Variants in LAMC2 observed in about 807,000 individuals in gnomAD.
The protein encoded by LAMC2 is laminin subunit gamma-2.
In LAMC2, 97 loss-of-function variants were observed where a neutral mutation model predicts 140.2. The ratio of observed to expected loss-of-function variants is 0.69; its 90% CI spans 0.59 to 0.82. LAMC2 has a LOEUF of 0.82. LAMC2 is among the 40% of genes least tolerant of loss of function. The pLI, the probability that LAMC2 is intolerant of heterozygous loss-of-function variation, is 0.00. For synonymous variants in LAMC2, 513 were observed against 540.2 expected (o/e 0.95, Z 0.70); for missense variants, 1,402 against 1,476.1 (o/e 0.95, Z 0.82).
chr1:183,229,972 T>C (rs1004251223), intron 11 of LAMC2, among the ~76,000 whole-genome samples: 1 of 152,226 alleles, frequency 6.6e-6, no homozygotes, highest in African/African-American at 2.4e-5. Context: ...ATGCTAATTA[T>C]GCCAATTAAT....
rs1571541162 is a variant in LAMC2, at chr1:183,238,599, T to C, written c.2869+178T>C. On this transcript the variant is annotated intron_variant, in intron 19 of 22. Coordinates refer to ENST00000264144, the MANE Select transcript of LAMC2 (RefSeq NM_005562.3). ...TTAATATTTAATGTAGTAGTAATAA[T>C]AGAGCTAGATGTCAGAAGCCTTGAG... Among the ~76,000 whole-genome samples the C allele has an allele frequency of 2.0e-5, 3 of 152,216 alleles. No homozygotes were observed. The South Asian group carries it at 6.2e-4, about 32-fold the overall frequency.
At chr1:183,210,842 G>T (rs1456363017) in intron 2 of LAMC2, among the ~76,000 whole-genome samples, 1 of 152,230 alleles carries the variant, frequency 6.6e-6, no homozygotes, top group Non-Finnish European at 1.5e-5. Context: ...AGACACATTG[G>T]TGACAGAGAC....
Position 183,228,478 on chromosome 1 carries a change from C to T in LAMC2, c.1573C>T (p.Pro525Ser). The T allele has an allele frequency of 9.3e-6, 15 of 1,613,852 alleles. No homozygotes were observed. The highest frequency in any genetic ancestry group is 1.2e-5 in the Non-Finnish European group (14 of 1,179,980). The change falls in exon 11 of 23, where the codon CCC becomes TCC. Residue 525 changes from proline to serine, a missense_variant. By Grantham distance (74) the Pro-to-Ser change is moderately conservative. Coordinates refer to ENST00000264144, the MANE Select transcript of LAMC2 (RefSeq NM_005562.3). This position sits in a 1 kb window ranked among gnomAD's most constrained non-coding sequence, Gnocchi z 4.3. ...CTGTCAATGCAACAACAATGTGGACCCCAGTGCCTCTGGGAATTGTGACCG... is the reference window on the plus strand; with the variant it reads ...CTGTCAATGCAACAACAATGTGGACTCCAGTGCCTCTGGGAATTGTGACCG... ...QPCQCNNNVDPSASGNCDRLT... is the reference protein window; with the variant it reads ...QPCQCNNNVDSSASGNCDRLT...
At chr1:183,231,907 A>G (rs1659810995) in intron 12 of LAMC2, among the ~76,000 whole-genome samples, 1 of 152,206 alleles carries the variant, frequency 6.6e-6, no homozygotes, top group Non-Finnish European at 1.5e-5. Context: ...ATGTTAACCC[A>G]GGTAGTCCAA....
chr1:183,249,390 A>G (rs1282140785), downstream of LAMC2: 3 of 151,998 alleles, frequency 2.0e-5, no homozygotes, highest in Admixed American at 1.3e-4. Context: ...TGGGAGAGAC[A>G]TTTTTTGCTG....
chr1:183,226,873 T>A lies in LAMC2; in HGVS notation c.1242T>A (p.Ile414=), dbSNP rs769226823. Residue 414 remains isoleucine, a synonymous_variant, in exon 9 of 23, where the codon ATT becomes ATA. Coordinates refer to ENST00000264144, the MANE Select transcript of LAMC2 (RefSeq NM_005562.3). ...GACTGGGGCCTTTTGGCACCTGTAT[T>A]CCTTGTAACTGTCAAGGGGGAGGGG... ...SARLGPFGTC[I]PCNCQGGGAC... is the part of the protein sequence containing the mutation. 2.5e-6 allele frequency: 4 copies of A among 1,614,170 alleles called. No homozygotes were observed. The highest frequency in any genetic ancestry group is 4.5e-5 in the East Asian group (2 of 44,876).
chr1:183,256,716 A>C, the LAMC2 span, among the ~76,000 whole-genome samples: 2 of 152,208 alleles, frequency 1.3e-5, no homozygotes, highest in African/African-American at 4.8e-5. Context: ...TTTATTGAGG[A>C]CTTTTACATC....
chr1:183,188,263 C>A (rs1281827796), intron 1 of LAMC2, among the ~76,000 whole-genome samples: 2 of 152,190 alleles, frequency 1.3e-5, no homozygotes, highest in Non-Finnish European at 2.9e-5. Context: ...CAGGGTAGAA[C>A]ACACATGCTT....
Position 183,234,456 on chromosome 1 carries a change from A to G in LAMC2, c.2300+10A>G, listed in dbSNP as rs1464333534. 1 of 1,609,462 alleles carries G rather than the reference A, an allele frequency of 6.2e-7. No individual in the cohort carries two copies. The highest frequency in any genetic ancestry group is 1.1e-5 in the South Asian group (1 of 90,938). On this transcript the variant is annotated intron_variant, in intron 15 of 22. Coordinates refer to ENST00000264144, the MANE Select transcript of LAMC2 (RefSeq NM_005562.3). The stretch of plus-strand genomic sequence containing the variant: ...CAAGATTAGCAGAAAGGTGAGCAGC[A>G]TTAGAGGGCACCTCTGCTTCAAGCC...
At chr1:183,214,366 G>A (rs1659183489) in intron 2 of LAMC2, among the ~76,000 whole-genome samples, 1 of 152,194 alleles carries the variant, frequency 6.6e-6, no homozygotes, top group South Asian at 2.1e-4. Flanking sequence ...CTCTAGAAAA[G>A]TAATATTTAA....
At chr1:183,218,343 G>T in intron 3 of LAMC2, 47 bp from the exon 4 acceptor site, 1 of 1,409,586 alleles carries the variant, frequency 7.1e-7, no homozygotes. Context: ...GCATAGTTGT[G>T]AAGCATTTGG....
At chr1:183,191,156 C>G (rs1217759681) in intron 1 of LAMC2, among the ~76,000 whole-genome samples, 1 of 151,954 alleles carries the variant, frequency 6.6e-6, no homozygotes, top group African/African-American at 2.4e-5. Flanking sequence ...AGAAAGTACC[C>G]TATAATATGC....
the LAMC2 span, chr1:183,252,597 A>G: frequency 7.6e-7 from 1 of 1,317,988 alleles, no homozygotes; most frequent in South Asian, 1.2e-5. Flanking sequence ...CAGGGGGCTG[A>G]CAAAGATGGA....
At chr1:183,238,229 A>G (rs1660024270) in intron 18 of LAMC2, 78 bp from the exon 19 acceptor site, 3 of 1,022,568 alleles carry the variant, frequency 2.9e-6, no homozygotes, top group South Asian at 1.3e-5. Flanking sequence ...ATCTGCTGTC[A>G]TGAAGAGAAA....
chr1:183,237,449 G>T lies in LAMC2; in HGVS notation c.2699G>T (p.Gly900Val), dbSNP rs1316039331. 1 of 1,614,042 alleles carries T rather than the reference G, an allele frequency of 6.2e-7. No homozygotes were observed. The highest frequency in any genetic ancestry group is 1.3e-5 in the African/African-American group (1 of 74,924). ...DEFKRTQKNLGNWKEEAQQLL... is the reference protein window; with the variant it reads ...DEFKRTQKNLVNWKEEAQQLL... ...TTCAAGCGTACACAGAAGAATCTGG[G>T]AAACTGGAAAGAAGAAGCACAGCAG... The change falls in exon 18 of 23, where the codon GGA (glycine) becomes GTA (valine). Residue 900 changes from glycine (G) to valine (V), a missense_variant. This residue lies in a region of LAMC2 where 670 missense variants were observed against 667.2 expected (regional missense o/e 1.00). Coordinates refer to ENST00000264144, the MANE Select transcript of LAMC2 (RefSeq NM_005562.3).
At position 183,243,748 on chromosome 1, in the gene LAMC2, A is replaced by G. The variant is rs1219439211; in HGVS notation, c.*348A>G. On this transcript the variant is annotated 3_prime_UTR_variant, in exon 23 of 23. Transcript: ENST00000264144. ...TGGAATTTGGACAAGTGCTGTTGGG[A>G]TATAGTCAACTTATTCTTTGAGTAA... 2.8e-6 allele frequency: 1 copy of G among 352,062 alleles called. No individual in the cohort carries two copies. Among genetic ancestry groups the G allele is most frequent in the Non-Finnish European group, 5.4e-6 (1 of 186,090 alleles). 21.8% of individuals were successfully genotyped at this position (352,062 alleles called of 1,614,324 possible).
chr1:183,186,840 T>TA (rs1658169715), intron 1 of LAMC2, among the ~76,000 whole-genome samples: 3 of 152,220 alleles, frequency 2.0e-5, no homozygotes, highest in Admixed American at 2.0e-4. Flanking sequence ...CAAAGGAACC[T>TA]CTTCAATAAT....
At chr1:183,221,856 G>A (rs1177820289) in intron 5 of LAMC2, among the ~76,000 whole-genome samples, 1 of 152,088 alleles carries the variant, frequency 6.6e-6, no homozygotes, top group Non-Finnish European at 1.5e-5. Context: ...CTTATCACGA[G>A]TCAGACTCAA....
chr1:183,187,407 C>A (rs1312375673), intron 1 of LAMC2, among the ~76,000 whole-genome samples: 1 of 151,352 alleles, frequency 6.6e-6, no homozygotes, highest in African/African-American at 2.4e-5. Flanking sequence ...TGTTTGAATG[C>A]AATGCTACAG....
Sources: gnomAD v4.1 joint callset for allele counts (sites outside exome capture counted in the v4.1 genomes callset) on GRCh38, gnomAD v4.1.1 for gene constraint, gnomAD v4.1.1 regional missense constraint, Gnocchi (gnomAD v3.1) non-coding constraint, MANE v1.5 for transcripts, NCBI Gene and HGNC (gene_info 2026-07-23, HGNC 2026-07-21) for gene names.